The following EYA2 variants were observed in gnomAD, a reference collection of about 807,000 sequenced individuals.
EYA2 encodes the protein EYA transcriptional coactivator and phosphatase 2, also known as protein phosphatase EYA2.
In EYA2, 31 loss-of-function variants were observed where a neutral mutation model predicts 69.2. That is an observed-to-expected ratio of 0.45 (90% CI 0.34 to 0.60). The LOEUF is 0.60. Among genes scored for constraint, EYA2 ranks in the 20% least tolerant of loss-of-function variants. The pLI, the probability that EYA2 is intolerant of heterozygous loss-of-function variation, is 0.02. For synonymous variants in EYA2, 257 were observed against 279.4 expected (o/e 0.92, Z 0.80); for missense variants, 622 against 701.2 (o/e 0.89, Z 1.28).
At position 47,024,953 on chromosome 20, in the gene EYA2, T is replaced by C. The variant is rs146592561; in HGVS notation, c.415+8656T>C. Among the ~76,000 whole-genome samples the C allele has an allele frequency of 1.7e-3, 258 of 152,350 alleles. 1 individual carries two copies. Among genetic ancestry groups the C allele is most frequent in the African/African-American group, 5.8e-3 (243 of 41,576 alleles). ...CAAACACAAGCAAATGCAGCAAGCC[T>C]GGTATGAGTACAGTTCTGCTCAGAA... On this transcript the variant is annotated intron_variant, in intron 5 of 15. Transcript: ENST00000327619.
chr20:46,907,061 C>T (rs1303943472), intron 1 of EYA2, among the ~76,000 whole-genome samples: 1 of 152,176 alleles, frequency 6.6e-6, no homozygotes, highest in African/African-American at 2.4e-5. Flanking sequence ...GCCTCAGTTT[C>T]CCCATTGATG....
chr20:46,943,621 A>G (rs914759123), intron 1 of EYA2, among the ~76,000 whole-genome samples: 32 of 152,182 alleles, frequency 2.1e-4, no homozygotes, highest in Admixed American at 2.1e-3. Flanking sequence ...TGTGTGTAGC[A>G]TGTAGTTCTT....
rs1003556182 is a variant in EYA2, at chr20:47,178,911, T to G, written c.1199-887T>G. 4.0e-5 allele frequency among the ~76,000 whole-genome samples: 6 copies of G among 150,650 alleles called. No homozygotes were observed. In the East Asian group the frequency reaches 1.0e-3, roughly 25 times the overall value. On this transcript the variant is annotated intron_variant, in intron 12 of 15. Coordinates refer to ENST00000327619, the MANE Select transcript of EYA2 (RefSeq NM_005244.5). Reference sequence around the variant, plus strand: ...GGATAGGTGTCTATTATTTTCTCCCTATGGTGAGCAAGTCAGTCAACATCA... The same window carrying G: ...GGATAGGTGTCTATTATTTTCTCCCGATGGTGAGCAAGTCAGTCAACATCA...
chr20:47,023,632 G>GTTTTTTTTTTTTTTT (rs60939329), intron 5 of EYA2, among the ~76,000 whole-genome samples: 2 of 90,082 alleles, frequency 2.2e-5, no homozygotes, highest in African/African-American at 4.3e-5. Flanking sequence ...GATTTTGGGT[G>GTTTTTTTTTTTTTTT]TTTTTTTTTT....
intron 1 of EYA2, among the ~76,000 whole-genome samples, chr20:46,907,553 G>A (rs143966436): frequency 1.5e-4 from 23 of 152,278 alleles, no homozygotes; most frequent in African/African-American, 2.6e-4. Context: ...AAAAACAAGC[G>A]TGAGGCCAGG....
At chr20:47,181,725 AAAAAT>A (rs1229117434) in intron 14 of EYA2, among the ~76,000 whole-genome samples, 1 of 152,224 alleles carries the variant, frequency 6.6e-6, no homozygotes, top group African/African-American at 2.4e-5. Context: ...AAAAAATAAA[AAAAAT>A]AAATAATTTA....
Position 47,029,327 on chromosome 20 carries a change from G to A in EYA2, c.415+13030G>A, listed in dbSNP as rs191803680. Among the ~76,000 whole-genome samples the A allele has an allele frequency of 3.3e-5, 5 of 152,340 alleles. No individual in the cohort carries two copies. The East Asian group carries it at 7.7e-4, about 23-fold the overall frequency. On this transcript the variant is annotated intron_variant, in intron 5 of 15. Transcript: ENST00000327619. ...GCTCAGCCCATAGAAGGAGCTTATC[G>A]AAGACATGCTGTGGCAACTTTGCCT...
intron 9 of EYA2, among the ~76,000 whole-genome samples, chr20:47,124,005 T>TG (rs900721951): frequency 2.1e-5 from 3 of 140,806 alleles, no homozygotes; most frequent in Non-Finnish European, 4.6e-5. Context: ...GGTGGGGGAG[T>TG]GGGGGGCCTA....
chr20:47,156,726 CAA>C (rs1246246656), intron 10 of EYA2, among the ~76,000 whole-genome samples: 1 of 151,950 alleles, frequency 6.6e-6, no homozygotes, highest in African/African-American at 2.4e-5. Flanking sequence ...ACACTTAGCA[CAA>C]GAGATGTGGC....
intron 5 of EYA2, among the ~76,000 whole-genome samples, chr20:47,053,485 A>G (rs2030444101): frequency 6.6e-6 from 1 of 151,824 alleles, no homozygotes; most frequent in South Asian, 2.1e-4. Context: ...GGGCAACATG[A>G]CAAAACTCCG....
At chr20:46,945,372 C>T (rs1483305505) in intron 1 of EYA2, among the ~76,000 whole-genome samples, 1 of 152,168 alleles carries the variant, frequency 6.6e-6, no homozygotes, top group Non-Finnish European at 1.5e-5. Flanking sequence ...TTAGAAAGCC[C>T]AAATTCCCTG....
intron 4 of EYA2, among the ~76,000 whole-genome samples, chr20:47,007,683 A>G (rs1982799963): frequency 6.6e-6 from 1 of 152,028 alleles, no homozygotes; most frequent in Non-Finnish European, 1.5e-5. Flanking sequence ...TGGTGCAATC[A>G]TAGCTCACTG....
chr20:47,034,833 C>G (rs905795841), intron 5 of EYA2, among the ~76,000 whole-genome samples: 1 of 152,168 alleles, frequency 6.6e-6, no homozygotes, highest in African/African-American at 2.4e-5. Flanking sequence ...TGTCCCATGC[C>G]TCTCTCCTGG....
At position 46,965,785 on chromosome 20, in the gene EYA2, C is replaced by T. The variant is rs550294365; in HGVS notation, c.-10-24216C>T. Among the ~76,000 whole-genome samples, 165 of 152,356 alleles carry T rather than the reference C, an allele frequency of 1.1e-3. 3 individuals carry two copies. Among genetic ancestry groups the T allele is most frequent in the African/African-American group, 3.8e-3 (157 of 41,594 alleles). ...GGCTGTTCCCTGCACGTACGAGTGG[C>T]CCTTTAGAATGTGTTTGTCTGGTCA... On this transcript the variant is annotated intron_variant, in intron 1 of 15. Coordinates refer to ENST00000327619, the MANE Select transcript of EYA2 (RefSeq NM_005244.5).
chr20:47,036,670 A>G (rs748746531), intron 5 of EYA2, among the ~76,000 whole-genome samples: 3 of 152,220 alleles, frequency 2.0e-5, no homozygotes, highest in Non-Finnish European at 4.4e-5. Flanking sequence ...AGTGCCAATC[A>G]GGACACTTCT....
intron 10 of EYA2, among the ~76,000 whole-genome samples, chr20:47,149,163 G>A (rs545412447): frequency 6.6e-6 from 1 of 152,266 alleles, no homozygotes; most frequent in Admixed American, 6.5e-5. Flanking sequence ...CTAGATTTAT[G>A]TTGAATGGCT....
intron 2 of EYA2, among the ~76,000 whole-genome samples, chr20:47,000,912 A>AT (rs1568715646): frequency 6.6e-6 from 1 of 152,130 alleles, no homozygotes; most frequent in Non-Finnish European, 1.5e-5. Flanking sequence ...CATCAAAGCC[A>AT]TGTCATTAGA....
At chr20:46,910,324 C>G (rs948616713) in intron 1 of EYA2, among the ~76,000 whole-genome samples, 1 of 152,104 alleles carries the variant, frequency 6.6e-6, no homozygotes, top group African/African-American at 2.4e-5. Flanking sequence ...TGTAAACAAC[C>G]AGGTCTTATG....
chr20:46,992,775 C>T (rs959266465), intron 2 of EYA2, among the ~76,000 whole-genome samples: 6 of 152,144 alleles, frequency 3.9e-5, no homozygotes, highest in Non-Finnish European at 8.8e-5. Flanking sequence ...GAACAGGTAG[C>T]GCCAGTGAGG....
Sources: gnomAD v4.1 joint callset for allele counts (sites outside exome capture counted in the v4.1 genomes callset) on GRCh38, gnomAD v4.1.1 for gene constraint, MANE v1.5 for transcripts, NCBI Gene and HGNC (gene_info 2026-07-23, HGNC 2026-07-21) for gene names.